Variants in DOCK7 observed in about 807,000 individuals in gnomAD.
DOCK7 encodes dedicator of cytokinesis protein 7.
DOCK7 carries 138 observed loss-of-function variants against 271.0 expected under a neutral mutation model. The observed-to-expected ratio is 0.51, with a 90% CI of 0.44 to 0.59. The LOEUF is 0.59. Among genes scored for constraint, DOCK7 ranks in the 20% least tolerant of loss-of-function variants. The pLI is 0.00. For synonymous variants in DOCK7, 823 were observed against 876.1 expected (o/e 0.94, Z 1.07); for missense variants, 2,066 against 2,592.4 (o/e 0.80, Z 4.41).
intron 1 of DOCK7, among the ~76,000 whole-genome samples, chr1:62,669,217 T>C (rs561721421): frequency 6.6e-6 from 1 of 152,354 alleles, no homozygotes; most frequent in Non-Finnish European, 1.5e-5. Flanking sequence ...CTGCTTTCTC[T>C]TGTTGAATAA....
At chr1:62,650,122 T>G (rs1657152213) in intron 4 of DOCK7, among the ~76,000 whole-genome samples, 1 of 152,134 alleles carries the variant, frequency 6.6e-6, no homozygotes, top group African/African-American at 2.4e-5. Context: ...ATAAAAATAT[T>G]TGTCCCTCTT....
intron 43 of DOCK7, chr1:62,481,983 G>A (rs1646140439): frequency 6.6e-6 from 1 of 152,016 alleles, no homozygotes; most frequent in Non-Finnish European, 1.5e-5. Context: ...CCTTCTACTA[G>A]GTTTATTCCT....
chr1:62,638,792 G>A (rs1217776946), intron 7 of DOCK7, among the ~76,000 whole-genome samples: 2 of 151,390 alleles, frequency 1.3e-5, no homozygotes, highest in Non-Finnish European at 2.9e-5. Context: ...GAAAGCAGGG[G>A]GGAGAAACAG....
At position 62,686,118 on chromosome 1, in the gene DOCK7, TA is replaced by T. The variant is rs201040350; in HGVS notation, c.38+2108del. ...TTCAGAGATAAACTTCTGGTTCTAA[TA>T]AGAGAAATTAAAACTAGGAATACAT... is the stretch of plus-strand genomic sequence containing the variant. On this transcript the variant is annotated intron_variant, in intron 1 of 49. Transcript: ENST00000635253. Among the ~76,000 whole-genome samples the T allele has an allele frequency of 3.4e-3, 515 of 150,836 alleles. 2 individuals are homozygous for T. The highest frequency in any genetic ancestry group is 0.012 in the African/African-American group (477 of 40,248).
intron 37 of DOCK7, among the ~76,000 whole-genome samples, chr1:62,501,603 C>T (rs902288061): frequency 2.0e-5 from 3 of 151,994 alleles, no homozygotes; most frequent in Admixed American, 2.0e-4. Flanking sequence ...ATACTTGTCT[C>T]AAGTAGAGTT....
rs79716948 is a variant in DOCK7 at position 62,578,974 on chromosome 1, C to T, written c.1872-8G>A. 7.9e-7 allele frequency: 1 copy of T among 1,273,752 alleles called. No homozygotes were observed. Among genetic ancestry groups the T allele is most frequent in the Non-Finnish European group, 1.0e-6 (1 of 992,780 alleles). 78.9% of individuals were successfully genotyped at this position (1,273,752 alleles called of 1,614,324 possible). ...TCATGAAAATCAGGAGACCTTCATACAAAAAAAAAAAAAAATCAACAGTCA... is the reference window on the plus strand; with the variant it reads ...TCATGAAAATCAGGAGACCTTCATATAAAAAAAAAAAAAAATCAACAGTCA... On this transcript the variant is annotated splice_region_variant and splice_polypyrimidine_tract_variant and intron_variant, in intron 16 of 49. Coordinates refer to ENST00000635253, the MANE Select transcript of DOCK7 (RefSeq NM_001367561.1).
chr1:62,539,422 G>T, intron 27 of DOCK7, 123 bp downstream of exon 27: 2 of 753,306 alleles, frequency 2.7e-6, no homozygotes, highest in Non-Finnish European at 2.1e-6. Context: ...TGTTACTTTG[G>T]CTACTTTTTG....
At chr1:62,519,004 T>TATAC (rs1553161263) in intron 31 of DOCK7, among the ~76,000 whole-genome samples, 10 of 30,016 alleles carry the variant, frequency 3.3e-4, no homozygotes, top group Non-Finnish European at 2.0e-4. Flanking sequence ...AAAGTCATGC[T>TATAC]ATACACACAC....
chr1:62,553,820 AACAC>A (rs758970353), intron 21 of DOCK7, among the ~76,000 whole-genome samples: 3 of 149,266 alleles, frequency 2.0e-5, no homozygotes, highest in East Asian at 1.9e-4. Flanking sequence ...CAAAATAGGA[AACAC>A]ACACACACAG....
chr1:62,588,817 T>C (rs1249921342), intron 14 of DOCK7, among the ~76,000 whole-genome samples: 1 of 152,172 alleles, frequency 6.6e-6, no homozygotes, highest in East Asian at 1.9e-4. Context: ...CATACCTCAC[T>C]GCAGCCTTGA....
At position 62,505,703 on chromosome 1, in the gene DOCK7, T is replaced by C; in HGVS notation, c.4590A>G (p.Thr1530=). The C allele has an allele frequency of 6.2e-7, 1 of 1,611,680 alleles. No homozygotes were observed. The highest frequency in any genetic ancestry group is 8.5e-7 in the Non-Finnish European group (1 of 1,179,048). The change falls in exon 36 of 50, where the codon ACA becomes ACG. Residue 1530 remains threonine, a synonymous_variant. Transcript: ENST00000635253. The part of the protein sequence containing the change: ...SAVYLQHCFA[T]QRALVSKFPE... The stretch of plus-strand genomic sequence containing the variant: ...CTACCTTTGAAACCAAGGCTCTCTG[T>C]GTAGCAAAACAGTGTTGTAGATAAA...
chr1:62,578,972 TAC>T lies in DOCK7; in HGVS notation c.1872-8_1872-7del. The T allele has an allele frequency of 6.9e-6, 10 of 1,452,042 alleles. No individual in the cohort carries two copies. The highest frequency in any genetic ancestry group is 4.5e-5 in the South Asian group (3 of 65,970). The allele number at this position is 1,452,042 out of a possible 1,614,324, so 89.9% of individuals were successfully genotyped here. A position where few individuals can be genotyped will look rare whatever the true frequency, so the allele number is the denominator to read the frequency against. ...CTTCATGAAAATCAGGAGACCTTCA[TAC>T]AAAAAAAAAAAAAAATCAACAGTCA... On this transcript the variant is annotated splice_region_variant and splice_polypyrimidine_tract_variant and intron_variant, in intron 16 of 49. Coordinates refer to ENST00000635253, the MANE Select transcript of DOCK7 (RefSeq NM_001367561.1).
chr1:62,516,503 T>A (rs923590510), intron 31 of DOCK7, among the ~76,000 whole-genome samples: 2 of 152,206 alleles, frequency 1.3e-5, no homozygotes, highest in Non-Finnish European at 2.9e-5. Flanking sequence ...AATTTTCTGG[T>A]TGAGAAGGGA....
At position 62,547,894 on chromosome 1, in the gene DOCK7, T is replaced by C. The variant is rs565686638; in HGVS notation, c.2767-2855A>G. ...CTGTATTTTATACTGGGGAATAAAA[T>C]ATAACCAAAACTTTCATAAAGTCAA... On this transcript the variant is annotated intron_variant, in intron 22 of 49. Transcript: ENST00000635253. 2.1e-3 allele frequency among the ~76,000 whole-genome samples: 316 copies of C among 152,266 alleles called. 2 individuals are homozygous for C. Among genetic ancestry groups the C allele is most frequent in the African/African-American group, 7.2e-3 (301 of 41,562 alleles).
intron 48 of DOCK7, among the ~76,000 whole-genome samples, chr1:62,468,859 A>G (rs1645752372): frequency 6.6e-6 from 1 of 152,178 alleles, no homozygotes; most frequent in African/African-American, 2.4e-5. Flanking sequence ...GAATATACCT[A>G]TCCAAAGAGG....
intron 31 of DOCK7, among the ~76,000 whole-genome samples, chr1:62,519,930 G>A (rs189705445): frequency 2.6e-5 from 4 of 152,056 alleles, no homozygotes; most frequent in African/African-American, 7.2e-5. Context: ...ACAGAACAGA[G>A]GCCTCAGAAA....
Position 62,647,698 on chromosome 1 carries a change from A to G in DOCK7, c.811T>C (p.Ser271Pro). 1 of 1,602,070 alleles carries G rather than the reference A, an allele frequency of 6.2e-7. No individual in the cohort carries two copies. The highest frequency in any genetic ancestry group is 8.5e-7 in the Non-Finnish European group (1 of 1,173,962). ...AAAGAAATAAATACTCACTTGAGTG[A>G]TAAGCATTTTACAAGAAGTCTTTGA... is the stretch of plus-strand genomic sequence containing the variant. ...FGQRLLVKCL[S>P]LKFEIEIEPI... Residue 271 changes from serine (S) to proline (P), a missense_variant, in exon 7 of 50, where the codon TCA becomes CCA. Transcript: ENST00000635253.
At chr1:62,614,238 T>C (rs1007483194) in intron 14 of DOCK7, among the ~76,000 whole-genome samples, 1 of 152,110 alleles carries the variant, frequency 6.6e-6, no homozygotes, top group African/African-American at 2.4e-5. Context: ...ATTTGTATAT[T>C]AGCTGTCAGC....
intron 4 of DOCK7, among the ~76,000 whole-genome samples, chr1:62,652,237 G>A (rs1657472812): frequency 6.6e-6 from 1 of 152,122 alleles, no homozygotes. Context: ...GCTTTTGCAT[G>A]TATCTTCTCC....
Sources: gnomAD v4.1 joint callset for allele counts (sites outside exome capture counted in the v4.1 genomes callset) on GRCh38, gnomAD v4.1.1 for gene constraint, MANE v1.5 for transcripts, NCBI Gene and HGNC (gene_info 2026-07-23, HGNC 2026-07-21) for gene names.